Variants in DENND1A observed in about 807,000 individuals in gnomAD.
The protein encoded by DENND1A is DENN domain-containing protein 1A.
DENND1A carries 51 observed loss-of-function variants against 113.7 expected under a neutral mutation model. The observed-to-expected ratio is 0.45, with a 90% confidence interval of 0.36 to 0.57. The LOEUF (loss-of-function observed/expected upper bound fraction) is 0.57. Ranked by LOEUF, DENND1A falls within the 20% of genes least tolerant of loss-of-function variation. The probability of loss-of-function intolerance (pLI) is 0.00; values close to 1 mark genes in which losing one functional copy is unlikely to be tolerated. For missense variants in DENND1A, 1,258 were observed against 1,395.9 expected, an observed-to-expected ratio of 0.90 and a Z score of 1.57; for synonymous variants, 565 against 570.8, an observed-to-expected ratio of 0.99 and a Z score of 0.14.
At chr9:123,445,466 G>A (rs1360342132) in intron 18 of DENND1A, among the ~76,000 whole-genome samples, 2 of 152,232 alleles carry the variant, frequency 1.3e-5, no homozygotes, top group Non-Finnish European at 2.9e-5. Context: ...GATTCCCCTG[G>A]TGGTTGTATG....
chr9:123,884,555 T>C (rs1588080882), intron 1 of DENND1A, among the ~76,000 whole-genome samples: 1 of 152,072 alleles, frequency 6.6e-6, no homozygotes, highest in Admixed American at 6.6e-5. Flanking sequence ...TACCCTACAA[T>C]CCAGCCATAT....
intron 2 of DENND1A, among the ~76,000 whole-genome samples, chr9:123,805,579 G>A (rs1001281802): frequency 3.3e-5 from 5 of 151,500 alleles, no homozygotes; most frequent in Admixed American, 6.6e-5. Context: ...GATTACAGGC[G>A]CCTGCCACCA....
intron 13 of DENND1A, among the ~76,000 whole-genome samples, chr9:123,494,520 G>A (rs2051685241): frequency 6.6e-6 from 1 of 152,198 alleles, no homozygotes; most frequent in African/African-American, 2.4e-5. Context: ...CCTCTTAGGA[G>A]CCTTGGTCAG....
intron 10 of DENND1A, among the ~76,000 whole-genome samples, chr9:123,626,012 C>T (rs2138422942): frequency 6.6e-6 from 1 of 152,188 alleles, no homozygotes; most frequent in South Asian, 2.1e-4. Context: ...CCACCTCAAC[C>T]TCCTGCGTAG....
chr9:123,604,149 G>A (rs1447165875), intron 11 of DENND1A, among the ~76,000 whole-genome samples: 1 of 152,172 alleles, frequency 6.6e-6, no homozygotes. Context: ...GCTTACCTCA[G>A]CTCATGCTCC....
intron 2 of DENND1A, among the ~76,000 whole-genome samples, chr9:123,830,624 G>C (rs1271263446): frequency 6.6e-6 from 1 of 151,984 alleles, no homozygotes; most frequent in African/African-American, 2.4e-5. Context: ...CAGCACTTTG[G>C]GAGGCCGAGG....
chr9:123,701,574 A>G (rs1380468248), intron 5 of DENND1A, among the ~76,000 whole-genome samples: 1 of 152,106 alleles, frequency 6.6e-6, no homozygotes, highest in Non-Finnish European at 1.5e-5. Context: ...AGCACCAGAG[A>G]CCTGCAGCCC....
chr9:123,518,220 A>C (rs540612084), intron 13 of DENND1A, among the ~76,000 whole-genome samples: 200 of 152,314 alleles, frequency 1.3e-3, no homozygotes, highest in African/African-American at 4.4e-3. Context: ...ATAGAAAGGG[A>C]GCCAAATAAA....
At chr9:123,573,297 A>G (rs1301412268) in intron 12 of DENND1A, among the ~76,000 whole-genome samples, 4 of 152,156 alleles carry the variant, frequency 2.6e-5, no homozygotes, top group African/African-American at 9.6e-5. Flanking sequence ...TTTTAGAATC[A>G]GCTTGTGAAG....
Position 123,754,673 on chromosome 9 carries a change from CAAAT to C in DENND1A, c.302+3026_302+3029del, listed in dbSNP as rs2070369270. On this transcript the variant is annotated intron_variant, in intron 5 of 23. Transcript: ENST00000394215. ...AGGAATTCAATTAAGAACTGACACACAAATGAATGAATTAACCCACCGAATTTTT... is the reference window on the plus strand; with the variant it reads ...AGGAATTCAATTAAGAACTGACACACGAATGAATTAACCCACCGAATTTTT... 2.0e-5 allele frequency among the ~76,000 whole-genome samples: 3 copies of C among 152,158 alleles called. 1 individual carries two copies. In the South Asian group the frequency reaches 6.2e-4, roughly 32 times the overall value.
chr9:123,641,301 G>C (rs1016236476), intron 9 of DENND1A, among the ~76,000 whole-genome samples: 2 of 152,024 alleles, frequency 1.3e-5, no homozygotes. Flanking sequence ...TTAAAATTCT[G>C]ATTCATAAGA....
At chr9:123,426,235 G>A (rs1159528820) in intron 19 of DENND1A, among the ~76,000 whole-genome samples, 1 of 148,850 alleles carries the variant, frequency 6.7e-6, no homozygotes, top group Non-Finnish European at 1.5e-5. Context: ...GCCACATTCG[G>A]GAGGCTGCAG....
At chr9:123,386,385 T>C (rs79732322) in intron 22 of DENND1A, among the ~76,000 whole-genome samples, 79 of 117,526 alleles carry the variant, frequency 6.7e-4, no homozygotes, top group Admixed American at 5.8e-4. Flanking sequence ...TTCTTTCTTT[T>C]TTTTTTTTTT....
chr9:123,923,607 A>G (rs1856640029), intron 1 of DENND1A, among the ~76,000 whole-genome samples: 1 of 152,244 alleles, frequency 6.6e-6, no homozygotes, highest in African/African-American at 2.4e-5. Flanking sequence ...GAGCAGAGCT[A>G]TCATAAGCCA....
At chr9:123,830,874 A>G (rs1840084921) in intron 2 of DENND1A, among the ~76,000 whole-genome samples, 2 of 9,542 alleles carry the variant, frequency 2.1e-4, no homozygotes, top group Admixed American at 9.3e-4. Context: ...CTCAAAAATG[A>G]AAAAAAAAAA....
rs150590953 is a variant in DENND1A at position 123,406,068 on chromosome 9, G to A, written c.1543-2578C>T. ...CTGCCCACCCTTTTTCCTGAACATCGTACCCCCCACCCCCCAGAAGCTTGT... is the reference window on the plus strand; with the variant it reads ...CTGCCCACCCTTTTTCCTGAACATCATACCCCCCACCCCCCAGAAGCTTGT... On this transcript the variant is annotated intron_variant, in intron 20 of 23. Transcript: ENST00000394215. 1.1e-4 allele frequency among the ~76,000 whole-genome samples: 16 copies of A among 152,202 alleles called. No homozygotes were observed. In the East Asian group the frequency reaches 1.2e-3, roughly 11 times the overall value.
At chr9:123,692,868 C>A (rs1015677518) in intron 5 of DENND1A, among the ~76,000 whole-genome samples, 1 of 152,124 alleles carries the variant, frequency 6.6e-6, no homozygotes, top group African/African-American at 2.4e-5. Flanking sequence ...TTAGCTCCAT[C>A]AGGCATTATT....
At chr9:123,784,792 G>A (rs1831862168) in intron 3 of DENND1A, among the ~76,000 whole-genome samples, 1 of 152,142 alleles carries the variant, frequency 6.6e-6, no homozygotes, top group Non-Finnish European at 1.5e-5. Flanking sequence ...GGCTCAAAAA[G>A]AATTTGTCTT....
At chr9:123,707,269 C>T (rs2066280854) in intron 5 of DENND1A, among the ~76,000 whole-genome samples, 1 of 152,106 alleles carries the variant, frequency 6.6e-6, no homozygotes, top group Non-Finnish European at 1.5e-5. Context: ...TGGCGCATGC[C>T]TGTAATCCCA....
Sources: allele counts gnomAD v4.1 joint callset (sites outside exome capture counted in the v4.1 genomes callset), GRCh38; gene constraint gnomAD v4.1.1; transcripts MANE v1.5; gene names NCBI Gene and HGNC (gene_info 2026-07-23, HGNC 2026-07-21).